CNTN6: variants seen among roughly 807,000 people sequenced by gnomAD.
CNTN6 encodes contactin-6.
In CNTN6, 137 loss-of-function variants were observed where a neutral mutation model predicts 122.8. The ratio of observed to expected loss-of-function variants is 1.12; its 90% CI spans 0.97 to 1.29. CNTN6 has a LOEUF of 1.29. Among genes scored for constraint, CNTN6 ranks in the 50% most tolerant of loss-of-function variants. The pLI is 0.00. For missense variants in CNTN6, 1,634 were observed against 1,223.4 expected (o/e 1.34, Z -5.01); for synonymous variants, 570 against 426.0 (o/e 1.34, Z -4.16).
At chr3:1,348,247 A>C (rs781653127) in intron 11 of CNTN6, among the ~76,000 whole-genome samples, 1 of 150,818 alleles carries the variant, frequency 6.6e-6, no homozygotes, top group Non-Finnish European at 1.5e-5. Flanking sequence ...TTCGATCATA[A>C]GTAGTTTGTC....
intron 12 of CNTN6, among the ~76,000 whole-genome samples, chr3:1,362,628 G>A (rs959747297): frequency 2.0e-5 from 3 of 151,902 alleles, no homozygotes; most frequent in Non-Finnish European, 2.9e-5. Context: ...AGAATAAAAT[G>A]GGAAAGACAG....
At chr3:1,320,076 C>G (rs1231293766) in intron 7 of CNTN6, among the ~76,000 whole-genome samples, 5 of 151,528 alleles carry the variant, frequency 3.3e-5, no homozygotes, top group African/African-American at 1.2e-4. Context: ...CATCAGTTAT[C>G]TGAGGTTAAT....
chr3:1,191,527 T>G (rs778598355), intron 2 of CNTN6, among the ~76,000 whole-genome samples: 1 of 152,208 alleles, frequency 6.6e-6, no homozygotes, highest in African/African-American at 2.4e-5. Context: ...CATAGGACCC[T>G]TCTGGATCTC....
At chr3:1,169,783 A>C (rs1354409) in intron 2 of CNTN6, among the ~76,000 whole-genome samples, 91,115 of 152,064 alleles carry the variant, frequency 0.6, 28,326 homozygotes, top group East Asian at 0.78. Flanking sequence ...CAGGCTTTCT[A>C]TTTTATTTGA....
intron 5 of CNTN6, among the ~76,000 whole-genome samples, chr3:1,289,925 C>G (rs920868198): frequency 6.6e-6 from 1 of 152,160 alleles, no homozygotes. Flanking sequence ...CCGCCCGCCT[C>G]GGCCTCCCAA....
chr3:1,373,853 A>G, intron 15 of CNTN6, 71 bp from the exon 16 acceptor site: 1 of 1,466,320 alleles, frequency 6.8e-7, no homozygotes, highest in South Asian at 1.5e-5. Context: ...ATTAATAATT[A>G]TATAATTTTG....
chr3:1,103,934 G>C (rs1017978154), intron 1 of CNTN6, among the ~76,000 whole-genome samples: 2 of 151,810 alleles, frequency 1.3e-5, no homozygotes, highest in Non-Finnish European at 2.9e-5. Flanking sequence ...AAAAATTCTA[G>C]TTAATTCTGA....
intron 1 of CNTN6, among the ~76,000 whole-genome samples, chr3:1,107,659 G>A (rs1400561955): frequency 2.0e-5 from 3 of 152,026 alleles, no homozygotes; most frequent in Admixed American, 6.6e-5. Flanking sequence ...CAGGTGTGGT[G>A]GCTAATTTCT....
At chr3:1,182,798 C>T (rs977764081) in intron 2 of CNTN6, among the ~76,000 whole-genome samples, 3 of 151,994 alleles carry the variant, frequency 2.0e-5, no homozygotes, top group African/African-American at 7.2e-5. Flanking sequence ...TATCATGCAT[C>T]TATGAATATT....
chr3:1,202,467 G>T (rs1003446672), intron 2 of CNTN6, among the ~76,000 whole-genome samples: 6 of 152,092 alleles, frequency 3.9e-5, no homozygotes, highest in African/African-American at 1.2e-4. Context: ...GGGAACCCCG[G>T]GGGGCGGAGC....
chr3:1,130,149 T>C (rs1559367099), intron 1 of CNTN6, among the ~76,000 whole-genome samples: 1 of 152,044 alleles, frequency 6.6e-6, no homozygotes, highest in Non-Finnish European at 1.5e-5. Context: ...GTAATAAAAA[T>C]CCTTGCCAAA....
chr3:1,300,494 A>AG (rs748225706), intron 7 of CNTN6, among the ~76,000 whole-genome samples: 2 of 132,208 alleles, frequency 1.5e-5, no homozygotes, highest in Non-Finnish European at 1.6e-5. Flanking sequence ...GAAGGAAGGA[A>AG]AAAGAAAAGA....
chr3:1,302,553 A>G (rs955508553), intron 7 of CNTN6, among the ~76,000 whole-genome samples: 10 of 152,114 alleles, frequency 6.6e-5, no homozygotes, highest in African/African-American at 2.4e-4. Context: ...ATGAAAATAT[A>G]GAAAGACCAG....
chr3:1,397,052 CTTTG>C (rs775156707), intron 20 of CNTN6, among the ~76,000 whole-genome samples: 192 of 152,256 alleles, frequency 1.3e-3, no homozygotes, highest in Middle Eastern at 3.4e-3. Flanking sequence ...GAGGTATTTT[CTTTG>C]TTTGTTTGTT....
At chr3:1,290,942 A>G (rs546871831) in intron 5 of CNTN6, among the ~76,000 whole-genome samples, 7 of 152,240 alleles carry the variant, frequency 4.6e-5, no homozygotes, top group Non-Finnish European at 8.8e-5. Flanking sequence ...CTGACCTCCT[A>G]TCTCATCCTG....
chr3:1,361,502 C>T (rs13075936), intron 12 of CNTN6, among the ~76,000 whole-genome samples: 61,813 of 151,860 alleles, frequency 0.41, 14,616 homozygotes, highest in African/African-American at 0.64. Flanking sequence ...ACAATTAGTA[C>T]ATTTCTATGT....
At chr3:1,234,643 A>T (rs753046663) in intron 4 of CNTN6, among the ~76,000 whole-genome samples, 3 of 152,224 alleles carry the variant, frequency 2.0e-5, no homozygotes, top group Non-Finnish European at 4.4e-5. Flanking sequence ...TGGGTAATGC[A>T]TACCTAATTA....
chr3:1,387,161 G>A (rs753431356), intron 20 of CNTN6, among the ~76,000 whole-genome samples: 2 of 151,236 alleles, frequency 1.3e-5, no homozygotes, highest in South Asian at 2.1e-4. Context: ...AATTACCCAT[G>A]AAGCACAAAC....
chr3:1,372,626 G>T, intron 13 of CNTN6, 152 bp downstream of exon 13: 2 of 765,392 alleles, frequency 2.6e-6, no homozygotes. Context: ...GGTTTATTTT[G>T]TTTCGTGTCT....
Sources: gnomAD v4.1 joint callset for allele counts (sites outside exome capture counted in the v4.1 genomes callset) on GRCh38, gnomAD v4.1.1 for gene constraint, MANE v1.5 for transcripts, NCBI Gene and HGNC (gene_info 2026-07-23, HGNC 2026-07-21) for gene names.